NKIRAS1: variants seen among roughly 807,000 people sequenced by gnomAD.
NKIRAS1 encodes NFKB inhibitor interacting Ras like 1, also known as NF-kappa-B inhibitor-interacting Ras-like protein 1.
Under a neutral mutation model 19.8 loss-of-function variants are expected in NKIRAS1, and 16 were observed. That is an observed-to-expected ratio of 0.81 (90% CI 0.55 to 1.23). The LOEUF is 1.23. NKIRAS1 is among the 50% of genes most tolerant of loss of function. The pLI, the probability that NKIRAS1 is intolerant of heterozygous loss-of-function variation, is 0.00. For missense variants in NKIRAS1, 184 were observed against 220.0 expected (o/e 0.84, Z 1.04); for synonymous variants, 88 against 79.0 (o/e 1.11, Z -0.61).
chr3:23,912,671 C>T (rs976417052), intron 1 of NKIRAS1, among the ~76,000 whole-genome samples: 2 of 152,108 alleles, frequency 1.3e-5, no homozygotes, highest in African/African-American at 4.8e-5. Flanking sequence ...TACCATTTGA[C>T]CCAGTAATCC....
chr3:23,912,096 T>C (rs1209743583), intron 1 of NKIRAS1, among the ~76,000 whole-genome samples: 1 of 152,172 alleles, frequency 6.6e-6, no homozygotes, highest in African/African-American at 2.4e-5. Flanking sequence ...TATTTCTTTT[T>C]GAGGAAGAAT....
upstream of NKIRAS1, chr3:23,919,011 T>G (rs1171152225): frequency 3.3e-6 from 2 of 605,072 alleles, no homozygotes; most frequent in African/African-American, 3.7e-5. Flanking sequence ...CTATGTGTGT[T>G]GTTTTAGCAA....
chr3:23,896,567 C>T (rs1212322584), intron 4 of NKIRAS1, among the ~76,000 whole-genome samples: 1 of 151,834 alleles, frequency 6.6e-6, no homozygotes, highest in Non-Finnish European at 1.5e-5. Flanking sequence ...GGGCTGAGAT[C>T]ATGCCACTGC....
chr3:23,919,271 T>C, upstream of NKIRAS1: 3 of 1,611,782 alleles, frequency 1.9e-6, no homozygotes, highest in Non-Finnish European at 2.5e-6. Context: ...CACATACAAA[T>C]TTTTTGAGGT....
chr3:23,892,107 AATAGCTTATTTTACATTT>A lies in NKIRAS1; in HGVS notation c.*970_*987del, dbSNP rs1006965674. The A allele has an allele frequency of 6.6e-6, 1 of 152,202 alleles. No individual in the cohort carries two copies. The highest frequency in any genetic ancestry group is 2.4e-5 in the African/African-American group (1 of 41,452). 9.4% of individuals were successfully genotyped at this position (152,202 alleles called of 1,614,324 possible). A position where few individuals can be genotyped will look rare whatever the true frequency, so the allele number is the denominator to read the frequency against. ...TGATGTTTTAATATGTTCTTTGTTG[AATAGCTTATTTTACATTT>A]CAGTCAAAATAGTTATTTCACAGGT... On this transcript the variant is annotated 3_prime_UTR_variant, in exon 5 of 5. Transcript: ENST00000425478.
At chr3:23,914,858 T>C (rs537135797) in intron 1 of NKIRAS1, among the ~76,000 whole-genome samples, 1 of 152,354 alleles carries the variant, frequency 6.6e-6, no homozygotes, top group South Asian at 2.1e-4. Context: ...TTAAATTTTA[T>C]TTTTACTGCT....
chr3:23,908,812 T>C (rs1483605782), intron 3 of NKIRAS1, among the ~76,000 whole-genome samples: 1 of 151,992 alleles, frequency 6.6e-6, no homozygotes, highest in Non-Finnish European at 1.5e-5. Flanking sequence ...CACAGGCACA[T>C]GCCACCATGC....
chr3:23,929,124 G>T (rs1016755109), intron 1 of NKIRAS1, among the ~76,000 whole-genome samples: 1 of 152,152 alleles, frequency 6.6e-6, no homozygotes, highest in African/African-American at 2.4e-5. Flanking sequence ...CACTTTGGGA[G>T]GCTGAGAGGG....
rs535917348 is a variant in NKIRAS1 at position 23,933,280 on chromosome 3, C to A, written c.-140+13043G>T. On this transcript the variant is annotated intron_variant, in intron 1 of 4. Transcript: ENST00000421515. ...AGAAGTTATTTTCTCTCCTGCCTCACGCCTCCAGAATTCTTCCTCACTGTT... is the reference window on the plus strand; with the variant it reads ...AGAAGTTATTTTCTCTCCTGCCTCAAGCCTCCAGAATTCTTCCTCACTGTT... Among the ~76,000 whole-genome samples the A allele has an allele frequency of 1.2e-3, 186 of 152,360 alleles. 1 individual carries two copies. The highest frequency in any genetic ancestry group is 4.2e-3 in the African/African-American group (174 of 41,582).
intron 1 of NKIRAS1, among the ~76,000 whole-genome samples, chr3:23,944,911 C>A (rs1208069212): frequency 6.6e-6 from 1 of 151,990 alleles, no homozygotes; most frequent in African/African-American, 2.4e-5. Flanking sequence ...GAGAATCACC[C>A]TTGCTCGGCG....
upstream of NKIRAS1, chr3:23,918,340 C>G (rs1704809265): frequency 7.5e-7 from 1 of 1,337,916 alleles, no homozygotes; most frequent in African/African-American, 1.5e-5. Flanking sequence ...CATTAACTTA[C>G]TGTTGAAGTA....
chr3:23,931,038 A>T (rs1705307230), intron 1 of NKIRAS1, among the ~76,000 whole-genome samples: 1 of 143,818 alleles, frequency 7.0e-6, no homozygotes, highest in African/African-American at 2.6e-5. Flanking sequence ...ATATCTGGAT[A>T]CAATTAGATC....
rs1703617342 is a variant in NKIRAS1 at position 23,910,759 on chromosome 3, AC to A, written c.94+51del. 8.2e-6 allele frequency: 11 copies of A among 1,342,978 alleles called. No individual in the cohort carries two copies. The Admixed American group carries it at 1.9e-4, about 23-fold the overall frequency. 83.2% of individuals were successfully genotyped at this position (1,342,978 alleles called of 1,614,324 possible). A position where few individuals can be genotyped will look rare whatever the true frequency, so the allele number is the denominator to read the frequency against. ...TTTAGTTTAGCATGACCAACAAAAGACCCCTGATAGCTCCCAGAACCTAGAG... is the reference window on the plus strand; with the variant it reads ...TTTAGTTTAGCATGACCAACAAAAGACCCTGATAGCTCCCAGAACCTAGAG... On this transcript the variant is annotated intron_variant, in intron 3 of 4. Transcript: ENST00000425478.
intron 2 of NKIRAS1, among the ~76,000 whole-genome samples, 183 bp from the exon 3 acceptor site, chr3:23,911,104 T>C (rs891104695): frequency 6.6e-6 from 1 of 152,202 alleles, no homozygotes; most frequent in African/African-American, 2.4e-5. Context: ...TTTCCTCCCT[T>C]AGAGCAATAA....
intron 1 of NKIRAS1, among the ~76,000 whole-genome samples, chr3:23,943,637 A>G (rs1233898036): frequency 6.6e-6 from 1 of 152,232 alleles, no homozygotes; most frequent in African/African-American, 2.4e-5. Flanking sequence ...TAGACTGTTC[A>G]TATTAACCTC....
intron 3 of NKIRAS1, among the ~76,000 whole-genome samples, chr3:23,902,226 G>T (rs1234321053): frequency 1.3e-5 from 2 of 151,932 alleles, no homozygotes; most frequent in African/African-American, 4.8e-5. Context: ...AAATACTGTA[G>T]AATGATTTGT....
chr3:23,935,352 G>A (rs538630550), intron 1 of NKIRAS1, among the ~76,000 whole-genome samples: 1 of 150,396 alleles, frequency 6.6e-6, no homozygotes, highest in East Asian at 1.9e-4. Context: ...TGAAAGAAAG[G>A]TGTTAATGGC....
intron 2 of NKIRAS1, 76 bp from the exon 3 acceptor site, chr3:23,910,997 T>C: frequency 8.9e-7 from 1 of 1,125,450 alleles, no homozygotes; most frequent in African/African-American, 1.6e-5. Flanking sequence ...AGTATTTCAA[T>C]TTAATATGTA....
At chr3:23,946,198 C>T in intron 1 of NKIRAS1, 2 of 985,388 alleles carry the variant, frequency 2.0e-6, no homozygotes, top group Non-Finnish European at 2.4e-6. Context: ...GCGGGGCGTC[C>T]CCGAAGCGGG....
Sources: gnomAD v4.1 joint callset for allele counts (sites outside exome capture counted in the v4.1 genomes callset) on GRCh38, gnomAD v4.1.1 for gene constraint, MANE v1.5 for transcripts, NCBI Gene and HGNC (gene_info 2026-07-23, HGNC 2026-07-21) for gene names.